The following DAB1 variants were observed in gnomAD, a reference collection of about 807,000 sequenced individuals.
DAB1 encodes the protein DAB adaptor protein 1, also known as disabled homolog 1.
In DAB1, 15 loss-of-function variants were observed where a neutral mutation model predicts 64.6. That is an observed-to-expected ratio of 0.23 (90% CI 0.16 to 0.36). The LOEUF is 0.36. Ranked by LOEUF, DAB1 falls within the 10% of genes least tolerant of loss-of-function variation. DAB1 has a pLI of 1.00. For missense variants in DAB1, 596 were observed against 706.7 expected (o/e 0.84, Z 1.78); for synonymous variants, 235 against 251.9 (o/e 0.93, Z 0.64).
At chr1:58,274,898 C>T (rs1196089641) in intron 4 of DAB1, among the ~76,000 whole-genome samples, 1 of 151,976 alleles carries the variant, frequency 6.6e-6, no homozygotes, top group Non-Finnish European at 1.5e-5. Context: ...GGCCTGCGCC[C>T]ACTGTCTGGC....
At chr1:58,153,540 C>T (rs1225620510) in intron 4 of DAB1, among the ~76,000 whole-genome samples, 2 of 152,068 alleles carry the variant, frequency 1.3e-5, no homozygotes, top group Non-Finnish European at 2.9e-5. Flanking sequence ...TTATTATTGT[C>T]TTTCATATCT....
At chr1:57,632,048 G>A (rs1258755136) in intron 7 of DAB1, among the ~76,000 whole-genome samples, 5 of 152,162 alleles carry the variant, frequency 3.3e-5, no homozygotes, top group African/African-American at 1.2e-4. Context: ...CAGTCTACAG[G>A]GAGTAGAAGA....
chr1:57,614,849 CTTCTTTCT>C (rs147130843), intron 7 of DAB1, among the ~76,000 whole-genome samples: 1 of 116,828 alleles, frequency 8.6e-6, no homozygotes, highest in African/African-American at 3.0e-5. Flanking sequence ...CCATTTTTGC[CTTCTTTCT>C]TTCTTTCTTT....
intron 1 of DAB1, among the ~76,000 whole-genome samples, chr1:57,326,463 C>G (rs1489370649): frequency 6.6e-6 from 1 of 152,222 alleles, no homozygotes; most frequent in Non-Finnish European, 1.5e-5. Flanking sequence ...ACCCTCTCCA[C>G]TGCAGGATTT....
intron 5 of DAB1, among the ~76,000 whole-genome samples, chr1:58,150,187 T>C (rs916895977): frequency 6.6e-6 from 1 of 152,164 alleles, no homozygotes; most frequent in Non-Finnish European, 1.5e-5. Flanking sequence ...AGCCAGGAAG[T>C]TGCAGAGCCA....
chr1:58,471,484 C>T (rs1645357808), intron 3 of DAB1, among the ~76,000 whole-genome samples: 1 of 152,214 alleles, frequency 6.6e-6, no homozygotes. Context: ...GGGAATACTG[C>T]CACCTAAACA....
chr1:58,503,469 A>AT (rs1330906837), intron 3 of DAB1, among the ~76,000 whole-genome samples: 1 of 152,170 alleles, frequency 6.6e-6, no homozygotes, highest in Non-Finnish European at 1.5e-5. Context: ...TACAAATGAA[A>AT]TCTAGTTAAG....
At chr1:57,565,397 C>T (rs552109090) in intron 7 of DAB1, among the ~76,000 whole-genome samples, 273 of 152,154 alleles carry the variant, frequency 1.8e-3, no homozygotes, top group Admixed American at 2.7e-3. Flanking sequence ...AACATCATAA[C>T]GACAGGATCA....
chr1:58,266,477 C>T (rs143563837), intron 4 of DAB1, among the ~76,000 whole-genome samples: 70 of 152,352 alleles, frequency 4.6e-4, no homozygotes, highest in African/African-American at 1.7e-3. Context: ...GGATCTGACA[C>T]ATTAACTGTG....
intron 5 of DAB1, among the ~76,000 whole-genome samples, chr1:57,944,941 T>C (rs981221424): frequency 2.0e-5 from 3 of 152,138 alleles, no homozygotes; most frequent in African/African-American, 7.2e-5. Flanking sequence ...TCTACCATGG[T>C]CACCATCACC....
chr1:57,860,031 T>C (rs1449705960), intron 1 of DAB1, among the ~76,000 whole-genome samples: 1 of 152,198 alleles, frequency 6.6e-6, no homozygotes, highest in Non-Finnish European at 1.5e-5. Flanking sequence ...ACACTTATTA[T>C]TGTCCCCATG....
At chr1:57,976,574 T>C (rs1267616575) in intron 5 of DAB1, among the ~76,000 whole-genome samples, 1 of 152,092 alleles carries the variant, frequency 6.6e-6, no homozygotes, top group Non-Finnish European at 1.5e-5. Flanking sequence ...TCATCAAAGT[T>C]ATGAGCAAAA....
At chr1:58,074,913 G>C (rs985441591) in intron 5 of DAB1, among the ~76,000 whole-genome samples, 18 of 152,044 alleles carry the variant, frequency 1.2e-4, no homozygotes, top group Non-Finnish European at 2.2e-4. Flanking sequence ...TGTCCCCCGG[G>C]AGCAGGGATG....
At chr1:57,676,952 A>G (rs1369026117) in intron 6 of DAB1, among the ~76,000 whole-genome samples, 1 of 152,200 alleles carries the variant, frequency 6.6e-6, no homozygotes, top group Non-Finnish European at 1.5e-5. Flanking sequence ...TTCTCCTCCC[A>G]AATTCATGTA....
At chr1:58,193,005 A>C (rs1657474811) in intron 4 of DAB1, among the ~76,000 whole-genome samples, 1 of 152,186 alleles carries the variant, frequency 6.6e-6, no homozygotes, top group African/African-American at 2.4e-5. Flanking sequence ...ATTTCTTTTA[A>C]AAATTGATAT....
intron 5 of DAB1, among the ~76,000 whole-genome samples, chr1:58,143,399 T>A (rs1157777918): frequency 6.6e-6 from 1 of 152,174 alleles, no homozygotes; most frequent in African/African-American, 2.4e-5. Context: ...TGCAAAAGAT[T>A]ATGCTACATA....
At chr1:57,737,874 A>T (rs79906666) in intron 6 of DAB1, among the ~76,000 whole-genome samples, 1,888 of 152,302 alleles carry the variant, frequency 0.012, 32 homozygotes, top group African/African-American at 0.044. Context: ...TGTCAATTAC[A>T]AACATCTGCC....
At chr1:57,406,020 T>A (rs1683608223) in intron 1 of DAB1, among the ~76,000 whole-genome samples, 1 of 152,182 alleles carries the variant, frequency 6.6e-6, no homozygotes, top group African/African-American at 2.4e-5. Flanking sequence ...TTTCCCCTGG[T>A]TCCTGCCACC....
chr1:58,359,411 G>T (rs1429858352), intron 3 of DAB1, among the ~76,000 whole-genome samples: 3 of 152,222 alleles, frequency 2.0e-5, no homozygotes, highest in Admixed American at 1.3e-4. Flanking sequence ...AAGAGTGACA[G>T]CTTTGTCCTC....
Sources: gnomAD v4.1 joint callset for allele counts (sites outside exome capture counted in the v4.1 genomes callset) on GRCh38, gnomAD v4.1.1 for gene constraint, MANE v1.5 for transcripts, NCBI Gene and HGNC (gene_info 2026-07-23, HGNC 2026-07-21) for gene names.